The following GPD2 variants were observed in gnomAD, a reference collection of about 807,000 sequenced individuals.
GPD2 encodes the protein glycerol-3-phosphate dehydrogenase, mitochondrial.
GPD2 carries 54 observed loss-of-function variants against 82.4 expected under a neutral mutation model. The ratio of observed to expected loss-of-function variants is 0.66; its 90% CI spans 0.53 to 0.82. The LOEUF (loss-of-function observed/expected upper bound fraction) is 0.82, where lower values mean the gene tolerates loss of function less well. Ranked by LOEUF, GPD2 falls within the 40% of genes least tolerant of loss-of-function variation. GPD2 has a pLI of 0.00. For synonymous variants in GPD2, 288 were observed against 306.1 expected (o/e 0.94, Z 0.62); for missense variants, 748 against 896.2 (o/e 0.83, Z 2.11).
intron 1 of GPD2, among the ~76,000 whole-genome samples, chr2:156,451,731 G>T (rs915696152): frequency 6.8e-6 from 1 of 148,130 alleles, no homozygotes; most frequent in African/African-American, 2.5e-5. Flanking sequence ...GGGGCGGCTG[G>T]CCGGGCGGGG....
intron 6 of GPD2, among the ~76,000 whole-genome samples, chr2:156,531,330 T>C (rs1343731615): frequency 6.6e-6 from 1 of 152,170 alleles, no homozygotes; most frequent in Non-Finnish European, 1.5e-5. Flanking sequence ...TTGATGCTTT[T>C]GATGTTCTCA....
upstream of GPD2, among the ~76,000 whole-genome samples, chr2:156,430,885 G>A (rs188055556): frequency 3.3e-5 from 5 of 152,362 alleles, no homozygotes; most frequent in East Asian, 1.9e-4. Context: ...CAGAAGCTGC[G>A]TTTAAGATGT....
intron 1 of GPD2, among the ~76,000 whole-genome samples, chr2:156,442,956 T>C (rs1015985085): frequency 6.6e-6 from 1 of 152,218 alleles, no homozygotes; most frequent in Admixed American, 6.5e-5. Flanking sequence ...TGTCTTGGAA[T>C]TAATTCAGAG....
chr2:156,563,957 G>A (rs1687267473), intron 9 of GPD2, among the ~76,000 whole-genome samples: 1 of 152,100 alleles, frequency 6.6e-6, no homozygotes, highest in East Asian at 1.9e-4. Flanking sequence ...GCTACTAATG[G>A]CTAGCGAATT....
intron 9 of GPD2, among the ~76,000 whole-genome samples, chr2:156,558,357 A>T (rs1291864197): frequency 1.3e-5 from 2 of 152,090 alleles, no homozygotes; most frequent in Admixed American, 1.3e-4. Context: ...CAGGTCCATC[A>T]GCCACTTCAT....
At chr2:156,545,808 T>A (rs1167365800) in intron 6 of GPD2, among the ~76,000 whole-genome samples, 1 of 152,216 alleles carries the variant, frequency 6.6e-6, no homozygotes, top group African/African-American at 2.4e-5. Context: ...TTTTGCATGT[T>A]AACATAGTTG....
the GPD2 span, among the ~76,000 whole-genome samples, chr2:156,426,980 G>A: frequency 3.3e-5 from 5 of 152,352 alleles, no homozygotes; most frequent in Non-Finnish European, 5.9e-5. Flanking sequence ...GAAAGGAAGA[G>A]GGCAGAAGCA....
chr2:156,539,222 A>G (rs539251200), intron 6 of GPD2, among the ~76,000 whole-genome samples: 33 of 152,334 alleles, frequency 2.2e-4, no homozygotes, highest in Non-Finnish European at 1.5e-4. Flanking sequence ...ATGCTTTCAC[A>G]TATGCTGGAA....
intron 6 of GPD2, among the ~76,000 whole-genome samples, chr2:156,537,337 G>A (rs1686120949): frequency 1.3e-5 from 2 of 152,170 alleles, no homozygotes; most frequent in African/African-American, 4.8e-5. Context: ...GAAACTAATA[G>A]AATCTTTCTT....
chr2:156,502,239 A>T (rs1302423019), intron 3 of GPD2, among the ~76,000 whole-genome samples: 3 of 152,050 alleles, frequency 2.0e-5, no homozygotes, highest in African/African-American at 7.2e-5. Context: ...AATTTTTTTT[A>T]AAAATTGGGT....
chr2:156,520,375 C>A (rs553460010), intron 6 of GPD2, among the ~76,000 whole-genome samples: 5 of 152,178 alleles, frequency 3.3e-5, no homozygotes, highest in Admixed American at 3.3e-4. Context: ...AGGATATTAC[C>A]AAGACATTGA....
intron 6 of GPD2, among the ~76,000 whole-genome samples, chr2:156,546,671 C>T (rs1686550770): frequency 6.6e-6 from 1 of 152,134 alleles, no homozygotes; most frequent in South Asian, 2.1e-4. Context: ...GCTAATAATA[C>T]CTGTGCTTGC....
chr2:156,401,062 A>G, the GPD2 span, among the ~76,000 whole-genome samples: 8 of 152,300 alleles, frequency 5.3e-5, no homozygotes, highest in African/African-American at 1.9e-4. Context: ...CTTTATTTGC[A>G]TGAGTCCAGT....
chr2:156,578,854 T>A, intron 13 of GPD2, 35 bp from the exon 14 acceptor site: 1 of 1,167,542 alleles, frequency 8.6e-7, no homozygotes, highest in South Asian at 1.2e-5. Flanking sequence ...AATATTTCCA[T>A]GTGTCTTTGA....
the GPD2 span, among the ~76,000 whole-genome samples, chr2:156,418,500 T>C: frequency 6.6e-6 from 1 of 152,058 alleles, no homozygotes; most frequent in Non-Finnish European, 1.5e-5. Context: ...AGAAATAATA[T>C]ACCATGAATT....
the GPD2 span, among the ~76,000 whole-genome samples, chr2:156,416,521 T>G: frequency 6.0e-5 from 9 of 150,694 alleles, no homozygotes; most frequent in African/African-American, 1.7e-4. Context: ...CTAGTTTTTT[T>G]TTTTTTTTTT....
intron 1 of GPD2, among the ~76,000 whole-genome samples, chr2:156,461,033 T>C (rs77901376): frequency 0.014 from 2,183 of 152,266 alleles, 61 homozygotes; most frequent in African/African-American, 0.05. Context: ...CTGGGGGTCA[T>C]TGGTGTCATT....
At chr2:156,577,002 T>G (rs1687844209) in intron 13 of GPD2, among the ~76,000 whole-genome samples, 3 of 152,174 alleles carry the variant, frequency 2.0e-5, no homozygotes, top group Admixed American at 2.0e-4. Flanking sequence ...CAGACAAGTT[T>G]TGTATATGAG....
intron 3 of GPD2, among the ~76,000 whole-genome samples, chr2:156,510,036 G>A (rs565346602): frequency 4.6e-5 from 7 of 152,106 alleles, no homozygotes; most frequent in South Asian, 2.1e-4. Flanking sequence ...ACCCGCCTCC[G>A]CCTCTCAAAG....
Sources: allele counts gnomAD v4.1 joint callset (sites outside exome capture counted in the v4.1 genomes callset), GRCh38; gene constraint gnomAD v4.1.1; transcripts MANE v1.5; gene names NCBI Gene and HGNC (gene_info 2026-07-23, HGNC 2026-07-21).